IGF2BP3: variants seen among roughly 807,000 people sequenced by gnomAD.
IGF2BP3 encodes insulin like growth factor 2 mRNA binding protein 3.
Under a neutral mutation model 73.8 loss-of-function variants are expected in IGF2BP3, and 9 were observed. The observed-to-expected ratio is 0.12, with a 90% CI of 0.07 to 0.21. IGF2BP3 has a LOEUF of 0.21. IGF2BP3 is among the 10% of genes least tolerant of loss of function. The probability of loss-of-function intolerance (pLI) is 1.00; values close to 1 mark genes in which losing one functional copy is unlikely to be tolerated. For synonymous variants in IGF2BP3, 258 were observed against 256.7 expected (o/e 1.01, Z -0.05); for missense variants, 542 against 714.0 (o/e 0.76, Z 2.75).
At position 23,343,769 on chromosome 7, in the gene IGF2BP3, C is replaced by G; in HGVS notation, c.1026G>C (p.Glu342Asp). 1 of 1,612,902 alleles carries G rather than the reference C, an allele frequency of 6.2e-7. No individual in the cohort carries two copies. Among genetic ancestry groups the G allele is most frequent in the Non-Finnish European group, 8.5e-7 (1 of 1,179,568 alleles). ...NVETCAKAEE[E>D]IMKKIRESYE... ...AAGACTCCCTGATTTTCTTCATGAT[C>G]TCCTCCTCAGCTTTGGCACATGTCT... Residue 342 changes from glutamate (E) to aspartate (D), a missense_variant, in exon 9 of 15, where the codon GAG becomes GAC. Around this residue, in one of 2 missense-constraint regions of IGF2BP3, gnomAD observed 303 missense variants for 472.1 expected, o/e 0.64. Transcript: ENST00000258729.
intron 10 of IGF2BP3, among the ~76,000 whole-genome samples, chr7:23,326,559 A>C: frequency 6.6e-6 from 1 of 151,988 alleles, no homozygotes; most frequent in Non-Finnish European, 1.5e-5. Flanking sequence ...CAGCCATCCA[A>C]TCACTGGGTA....
intron 5 of IGF2BP3, among the ~76,000 whole-genome samples, chr7:23,356,467 G>A (rs866379409): frequency 1.2e-4 from 19 of 152,284 alleles, no homozygotes; most frequent in Middle Eastern, 3.4e-3. Flanking sequence ...TGAGGTGGGA[G>A]GACTGGTTGA....
chr7:23,332,501 A>C (rs1273731568), intron 10 of IGF2BP3, among the ~76,000 whole-genome samples: 1 of 152,242 alleles, frequency 6.6e-6, no homozygotes, highest in East Asian at 1.9e-4. Context: ...ATACATCAGA[A>C]GAAGACTTGC....
chr7:23,425,409 T>A (rs534310912), intron 2 of IGF2BP3, among the ~76,000 whole-genome samples: 1 of 152,348 alleles, frequency 6.6e-6, no homozygotes, highest in South Asian at 2.1e-4. Flanking sequence ...AGAGATAGGA[T>A]CTTGCTCTAT....
At chr7:23,392,770 C>G (rs1441817817) in intron 3 of IGF2BP3, among the ~76,000 whole-genome samples, 1 of 152,228 alleles carries the variant, frequency 6.6e-6, no homozygotes, top group South Asian at 2.1e-4. Flanking sequence ...GCTGGGACTA[C>G]AGACGTGGGC....
chr7:23,453,340 C>T (rs767087956), intron 2 of IGF2BP3, among the ~76,000 whole-genome samples: 58 of 152,150 alleles, frequency 3.8e-4, no homozygotes, highest in Non-Finnish European at 7.2e-4. Flanking sequence ...CAAAATGTCC[C>T]AAACAGTAAA....
chr7:23,316,533 G>C (rs935572918), intron 12 of IGF2BP3, among the ~76,000 whole-genome samples: 2 of 151,910 alleles, frequency 1.3e-5, no homozygotes, highest in Non-Finnish European at 2.9e-5. Context: ...AAATTGGCTG[G>C]GCGTGGCGGC....
chr7:23,435,378 A>G (rs568299299), intron 2 of IGF2BP3, among the ~76,000 whole-genome samples: 4 of 151,680 alleles, frequency 2.6e-5, no homozygotes, highest in South Asian at 4.2e-4. Context: ...AGAATTACAT[A>G]TAAAAATACA....
At chr7:23,407,421 T>C (rs1786870014) in intron 3 of IGF2BP3, among the ~76,000 whole-genome samples, 1 of 151,480 alleles carries the variant, frequency 6.6e-6, no homozygotes, top group Non-Finnish European at 1.5e-5. Flanking sequence ...CCAGCCTGAC[T>C]AACATGGAGA....
At chr7:23,435,230 T>C (rs1451027594) in intron 2 of IGF2BP3, among the ~76,000 whole-genome samples, 1 of 126,214 alleles carries the variant, frequency 7.9e-6, no homozygotes, top group Non-Finnish European at 1.6e-5. Flanking sequence ...GAGGCGGAGG[T>C]TGCAGTGAAC....
intron 2 of IGF2BP3, among the ~76,000 whole-genome samples, chr7:23,452,788 C>T (rs1218094936): frequency 1.5e-5 from 2 of 135,036 alleles, no homozygotes; most frequent in Admixed American, 8.0e-5. Flanking sequence ...GGCAACAGTG[C>T]GAGACTCATC....
chr7:23,359,230 C>G (rs1562698036), intron 5 of IGF2BP3, among the ~76,000 whole-genome samples: 2 of 152,200 alleles, frequency 1.3e-5, no homozygotes, highest in East Asian at 3.9e-4. Flanking sequence ...ACTAGCCAGT[C>G]TACCTTTCCT....
intron 13 of IGF2BP3, 33 bp downstream of exon 13, chr7:23,313,489 A>C: frequency 6.2e-7 from 1 of 1,606,098 alleles, no homozygotes; most frequent in African/African-American, 1.3e-5. Flanking sequence ...TTTCCCTTTC[A>C]TACCACTGCA....
chr7:23,371,375 A>G (rs957025788), intron 3 of IGF2BP3, among the ~76,000 whole-genome samples: 1 of 152,230 alleles, frequency 6.6e-6, no homozygotes, highest in Non-Finnish European at 1.5e-5. Context: ...CTTATCTGTC[A>G]TGGGCAAGAT....
intron 3 of IGF2BP3, among the ~76,000 whole-genome samples, chr7:23,417,134 T>G (rs1407168194): frequency 6.6e-6 from 1 of 152,160 alleles, no homozygotes; most frequent in Non-Finnish European, 1.5e-5. Context: ...CTCAAGCCTT[T>G]AAGGAAAGAA....
At chr7:23,403,582 G>A (rs1284784851) in intron 3 of IGF2BP3, among the ~76,000 whole-genome samples, 1 of 152,160 alleles carries the variant, frequency 6.6e-6, no homozygotes, top group Non-Finnish European at 1.5e-5. Context: ...TGAACTTGCA[G>A]GAGATATTAG....
intron 3 of IGF2BP3, among the ~76,000 whole-genome samples, chr7:23,367,613 A>G (rs893521481): frequency 3.3e-5 from 5 of 152,216 alleles, no homozygotes; most frequent in Admixed American, 6.5e-5. Flanking sequence ...GTATAAATGC[A>G]AAGTAAAGCC....
At chr7:23,459,011 G>T (rs997981928) in intron 2 of IGF2BP3, among the ~76,000 whole-genome samples, 40 of 152,216 alleles carry the variant, frequency 2.6e-4, no homozygotes, top group African/African-American at 9.6e-4. Flanking sequence ...CCTTAGGCAG[G>T]TTGCTTCTCC....
chr7:23,357,143 TGTTAAA>T (rs1460966528), intron 5 of IGF2BP3, among the ~76,000 whole-genome samples: 1 of 152,244 alleles, frequency 6.6e-6, no homozygotes, highest in Non-Finnish European at 1.5e-5. Flanking sequence ...TTTACATAAT[TGTTAAA>T]GTTTAAATGG....
Sources: gnomAD v4.1 joint callset for allele counts (sites outside exome capture counted in the v4.1 genomes callset) on GRCh38, gnomAD v4.1.1 for gene constraint, gnomAD v4.1.1 regional missense constraint, MANE v1.5 for transcripts, NCBI Gene and HGNC (gene_info 2026-07-23, HGNC 2026-07-21) for gene names.